The following ARIH1 variants were observed in gnomAD, a reference collection of about 807,000 sequenced individuals.
ARIH1 encodes ariadne RBR E3 ubiquitin protein ligase 1, also known as E3 ubiquitin-protein ligase ARIH1.
ARIH1 carries 8 observed loss-of-function variants against 85.0 expected under a neutral mutation model. That is an observed-to-expected ratio of 0.09 (90% CI 0.06 to 0.17). The LOEUF (loss-of-function observed/expected upper bound fraction) is 0.17, where lower values mean the gene tolerates loss of function less well. ARIH1 is among the 10% of genes least tolerant of loss of function. The pLI is 1.00. For missense variants in ARIH1, 311 were observed against 718.1 expected, an observed-to-expected ratio of 0.43 and a Z score of 6.48; for synonymous variants, 238 against 253.6, an observed-to-expected ratio of 0.94 and a Z score of 0.59.
intron 2 of ARIH1, among the ~76,000 whole-genome samples, chr15:72,523,516 GT>G (rs61473982): frequency 1.1e-4 from 16 of 146,238 alleles, no homozygotes; most frequent in Non-Finnish European, 1.2e-4. Flanking sequence ...CAACAGCACA[GT>G]TTTTTTTTTT....
At chr15:72,558,123 G>A (rs1175549966) in intron 5 of ARIH1, among the ~76,000 whole-genome samples, 3 of 152,144 alleles carry the variant, frequency 2.0e-5, no homozygotes, top group Middle Eastern at 3.2e-3. Flanking sequence ...TAAGTGGAAT[G>A]CTTCCAGCCT....
chr15:72,481,781 C>T (rs1212222993), intron 1 of ARIH1, among the ~76,000 whole-genome samples: 3 of 152,110 alleles, frequency 2.0e-5, no homozygotes, highest in Admixed American at 6.5e-5. Context: ...TAGATGCTAT[C>T]CTTCATGCTA....
In ARIH1 at chr15:72,552,853, C is replaced by A. The variant is rs573960472; in HGVS notation, c.589-2418C>A. ...GCGGTGGTGCGATCTTGGCTTACTG[C>A]AACCTCCATCTCCTAGGTTCAAGCG... On this transcript the variant is annotated intron_variant, in intron 3 of 13. Transcript: ENST00000379887. Among the ~76,000 whole-genome samples, 19 of 151,492 alleles carry A rather than the reference C, an allele frequency of 1.3e-4. No individual in the cohort carries two copies. In the East Asian group the frequency reaches 3.7e-3, roughly 30 times the overall value.
intron 1 of ARIH1, among the ~76,000 whole-genome samples, chr15:72,483,565 G>A (rs1005158153): frequency 2.0e-5 from 3 of 152,168 alleles, no homozygotes; most frequent in Non-Finnish European, 4.4e-5. Context: ...TCTCTGTTAA[G>A]AGGTAAATTA....
intron 1 of ARIH1, among the ~76,000 whole-genome samples, chr15:72,479,055 A>T (rs979582908): frequency 6.6e-6 from 1 of 151,800 alleles, no homozygotes; most frequent in Non-Finnish European, 1.5e-5. Context: ...TGCCCAGGCC[A>T]GTCTCAAACT....
chr15:72,540,943 T>C (rs1335297000), intron 2 of ARIH1, among the ~76,000 whole-genome samples: 2 of 152,114 alleles, frequency 1.3e-5, no homozygotes, highest in Non-Finnish European at 2.9e-5. Context: ...GTAAAAGTGT[T>C]GATGTGATCG....
chr15:72,592,037 G>A lies in ARIH1; in HGVS notation c.*8745G>A, dbSNP rs1020515026. 6.6e-6 allele frequency: 1 copy of A among 152,116 alleles called. No homozygotes were observed. Among genetic ancestry groups the A allele is most frequent in the Non-Finnish European group, 1.5e-5 (1 of 67,968 alleles). 9.4% of individuals were successfully genotyped at this position (152,116 alleles called of 1,614,324 possible). A position where few individuals can be genotyped will look rare whatever the true frequency, so the allele number is the denominator to read the frequency against. On this transcript the variant is annotated 3_prime_UTR_variant, in exon 14 of 14. Coordinates refer to ENST00000379887, the MANE Select transcript of ARIH1 (RefSeq NM_005744.5). Reference sequence around the variant, plus strand: ...TCAGGGCAGCAAATGCTAGAGAGTGGGATTAATGAAAAGTTATAGTGTTCT... The same window carrying A: ...TCAGGGCAGCAAATGCTAGAGAGTGAGATTAATGAAAAGTTATAGTGTTCT...
rs2064364211 is a variant in ARIH1 at position 72,596,516 on chromosome 15, G to GT, written c.*13227dup. 2.0e-5 allele frequency: 3 copies of GT among 152,170 alleles called. No individual in the cohort carries two copies. In the South Asian group the frequency reaches 6.2e-4, roughly 32 times the overall value. 9.4% of individuals were successfully genotyped at this position (152,170 alleles called of 1,614,324 possible). A position where few individuals can be genotyped will look rare whatever the true frequency, so the allele number is the denominator to read the frequency against. ...ATTGGTTCTTTCTTGGCCGTTATCCGTTTACATTTTTCTCTTGTCTCATAC... is the reference window on the plus strand; with the variant it reads ...ATTGGTTCTTTCTTGGCCGTTATCCGTTTTACATTTTTCTCTTGTCTCATAC... On this transcript the variant is annotated 3_prime_UTR_variant, in exon 14 of 14. Transcript: ENST00000379887.
At chr15:72,483,165 GT>G (rs2063823293) in intron 1 of ARIH1, among the ~76,000 whole-genome samples, 1 of 151,990 alleles carries the variant, frequency 6.6e-6, no homozygotes, top group Admixed American at 6.6e-5. Flanking sequence ...TCTGGCCTGG[GT>G]AGCAGTCCTC....
rs186635856 is a variant in ARIH1, at chr15:72,580,506, C to T, written c.1216-225C>T. On this transcript the variant is annotated intron_variant, in intron 11 of 13. Coordinates refer to ENST00000379887, the MANE Select transcript of ARIH1 (RefSeq NM_005744.5). ...TTTTCAGTTTTTTAAGGAACCTCCCCATACCATTTTCCATAATGGCTATAC... is the reference window on the plus strand; with the variant it reads ...TTTTCAGTTTTTTAAGGAACCTCCCTATACCATTTTCCATAATGGCTATAC... 12 of 507,916 alleles carry T rather than the reference C, an allele frequency of 2.4e-5. No individual in the cohort carries two copies. In the Admixed American group the frequency reaches 3.4e-4, roughly 14 times the overall value. The allele number at this position is 507,916 out of a possible 1,614,324, so 31.5% of individuals were successfully genotyped here.
chr15:72,542,776 GT>G (rs2064113032), intron 2 of ARIH1, among the ~76,000 whole-genome samples: 1 of 152,064 alleles, frequency 6.6e-6, no homozygotes, highest in Admixed American at 6.6e-5. Flanking sequence ...TTAGTTCCCT[GT>G]TGTCAAATTT....
chr15:72,483,536 G>A (rs1285197154), intron 1 of ARIH1, among the ~76,000 whole-genome samples: 2 of 152,190 alleles, frequency 1.3e-5, no homozygotes, highest in Non-Finnish European at 1.5e-5. Context: ...CTTAGAGGCC[G>A]GCTGTTTGTC....
chr15:72,481,729 G>A (rs186096591), intron 1 of ARIH1, among the ~76,000 whole-genome samples: 34 of 152,226 alleles, frequency 2.2e-4, no homozygotes, highest in South Asian at 1.0e-3. Context: ...CCTAGGCAAC[G>A]TTTACTAGGC....
intron 3 of ARIH1, among the ~76,000 whole-genome samples, chr15:72,551,879 T>C (rs1373245431): frequency 6.6e-6 from 1 of 152,204 alleles, no homozygotes; most frequent in Admixed American, 6.5e-5. Flanking sequence ...TTTGAAATAT[T>C]ATAATTTCAT....
In ARIH1 at chr15:72,561,485, G is replaced by T; in HGVS notation, c.740G>T (p.Arg247Leu). ...TCTATTTTTATTCTTGGTTTCAGGC[G>T]CCTGATCACAGATTCAAAAGTTAAA... The part of the protein sequence containing the change: ...DILVDDNTVM[R>L]LITDSKVKLK... Residue 247 changes from arginine (R) to leucine (L), a missense_variant and splice_region_variant, in exon 6 of 14, where the codon CGC (arginine) becomes CTC (leucine). By Grantham distance (102) the Arg-to-Leu change is moderately radical. This residue lies in a region of ARIH1 where 104 missense variants were observed against 221.4 expected (regional missense o/e 0.47). Coordinates refer to ENST00000379887, the MANE Select transcript of ARIH1 (RefSeq NM_005744.5). 6.3e-7 allele frequency: 1 copy of T among 1,590,052 alleles called. No individual in the cohort carries two copies. Among genetic ancestry groups the T allele is most frequent in the Non-Finnish European group, 8.6e-7 (1 of 1,162,226 alleles).
chr15:72,515,471 T>G (rs1245620667), intron 1 of ARIH1, among the ~76,000 whole-genome samples: 2 of 152,250 alleles, frequency 1.3e-5, no homozygotes, highest in African/African-American at 4.8e-5. Context: ...GTTTTTTGTT[T>G]TTTGTATTTG....
At chr15:72,535,677 G>A (rs1196161278) in intron 2 of ARIH1, among the ~76,000 whole-genome samples, 4 of 152,152 alleles carry the variant, frequency 2.6e-5, no homozygotes, top group Non-Finnish European at 4.4e-5. Flanking sequence ...CAGTTGGAAT[G>A]AGATCCACTG....
intron 1 of ARIH1, among the ~76,000 whole-genome samples, chr15:72,515,796 CAT>C (rs933111716): frequency 2.6e-5 from 4 of 151,936 alleles, no homozygotes; most frequent in Non-Finnish European, 5.9e-5. Flanking sequence ...GGATCTGTTC[CAT>C]ATATATATAG....
rs907963224 is a variant in ARIH1, at chr15:72,485,050, G to A, written c.375+10036G>A. Among the ~76,000 whole-genome samples, 63 of 152,204 alleles carry A rather than the reference G, an allele frequency of 4.1e-4. 3 individuals carry two copies. Among genetic ancestry groups the A allele is most frequent in the South Asian group, 2.1e-4 (1 of 4,826 alleles). ...ACTAGTTTACATTCCCACCAGCAGC[G>A]TAGAAGTGTTCCCTTCTCACCACAT... On this transcript the variant is annotated intron_variant, in intron 1 of 13. Transcript: ENST00000379887.
Sources: allele counts gnomAD v4.1 joint callset (sites outside exome capture counted in the v4.1 genomes callset), GRCh38; gene constraint gnomAD v4.1.1; regional missense constraint gnomAD v4.1.1; transcripts MANE v1.5; gene names NCBI Gene and HGNC (gene_info 2026-07-23, HGNC 2026-07-21).